HDAC9: variants seen among roughly 807,000 people sequenced by gnomAD.
HDAC9 encodes histone deacetylase 9, also known as MEF-2 interacting transcription repressor (MITR) protein.
In HDAC9, 41 loss-of-function variants were observed where a neutral mutation model predicts 139.4. The ratio of observed to expected loss-of-function variants is 0.29; its 90% confidence interval spans 0.23 to 0.38. The LOEUF is 0.38. HDAC9 is among the 10% of genes least tolerant of loss of function. The pLI is 1.00. For missense variants in HDAC9, 1,147 were observed against 1,297.0 expected (o/e 0.88, Z 1.78); for synonymous variants, 517 against 476.2 (o/e 1.09, Z -1.12).
At chr7:18,155,073 T>TTTTCTTTCTTTCTTTCTTTCTTTCTTTC (rs34168137) in intron 1 of HDAC9, among the ~76,000 whole-genome samples, 5 of 148,872 alleles carry the variant, frequency 3.4e-5, no homozygotes, top group South Asian at 2.1e-4. Context: ...ACAAAGCTTT[T>TTTTCTTTCTTTCTTTCTTTCTTTCTTTC]TTTCTTTCTT....
At chr7:18,710,525 T>C (rs993327909) in intron 12 of HDAC9, among the ~76,000 whole-genome samples, 1 of 152,154 alleles carries the variant, frequency 6.6e-6, no homozygotes, top group Non-Finnish European at 1.5e-5. Context: ...CGTATATATA[T>C]ACACACATAC....
intron 23 of HDAC9, among the ~76,000 whole-genome samples, chr7:18,946,913 A>G (rs939841600): frequency 1.3e-5 from 2 of 152,068 alleles, no homozygotes; most frequent in African/African-American, 4.8e-5. Context: ...TATATGGAGC[A>G]TAAAGCAAGT....
intron 1 of HDAC9, among the ~76,000 whole-genome samples, chr7:18,362,514 A>G (rs547567745): frequency 6.6e-6 from 1 of 152,270 alleles, no homozygotes; most frequent in East Asian, 1.9e-4. Context: ...AAATAGGTAT[A>G]TGGTATACAG....
At chr7:18,919,368 G>C (rs1241145671) in intron 22 of HDAC9, among the ~76,000 whole-genome samples, 1 of 151,990 alleles carries the variant, frequency 6.6e-6, no homozygotes, top group African/African-American at 2.4e-5. Context: ...ACTATATTTT[G>C]TGAGAGCCAG....
At chr7:18,891,912 T>G (rs550414407) in intron 22 of HDAC9, among the ~76,000 whole-genome samples, 1 of 152,272 alleles carries the variant, frequency 6.6e-6, no homozygotes, top group South Asian at 2.1e-4. Flanking sequence ...TAGATCCAGC[T>G]TATCTATTTG....
At chr7:18,524,383 A>G (rs75168637) in intron 2 of HDAC9, among the ~76,000 whole-genome samples, 60 of 152,236 alleles carry the variant, frequency 3.9e-4, no homozygotes, top group African/African-American at 1.3e-3. Flanking sequence ...TTTCTCATTT[A>G]GGGGAGTGAA....
chr7:18,137,748 A>C (rs986865860), intron 1 of HDAC9, among the ~76,000 whole-genome samples: 2 of 152,050 alleles, frequency 1.3e-5, no homozygotes, highest in African/African-American at 2.4e-5. Context: ...TTCATCAAGG[A>C]TATTGGTCTA....
At chr7:18,507,260 G>T (rs1004865800) in intron 2 of HDAC9, among the ~76,000 whole-genome samples, 9 of 150,464 alleles carry the variant, frequency 6.0e-5, no homozygotes, top group African/African-American at 2.2e-4. Flanking sequence ...GCGCGATCTC[G>T]GCTCACTGCA....
chr7:18,153,514 C>A (rs1786940510), intron 1 of HDAC9, among the ~76,000 whole-genome samples: 1 of 152,138 alleles, frequency 6.6e-6, no homozygotes, highest in Admixed American at 6.5e-5. Context: ...GGCCCTCTAC[C>A]AGCCTGATTG....
At chr7:18,366,884 T>A in intron 1 of HDAC9, among the ~76,000 whole-genome samples, 1 of 140,346 alleles carries the variant, frequency 7.1e-6, no homozygotes, top group African/African-American at 2.8e-5. Flanking sequence ...GTGTACTTAA[T>A]CAGTTTAGTA....
At chr7:18,788,284 G>C (rs1791993998) in intron 16 of HDAC9, among the ~76,000 whole-genome samples, 1 of 152,110 alleles carries the variant, frequency 6.6e-6, no homozygotes, top group Admixed American at 6.5e-5. Flanking sequence ...CATTTCACAG[G>C]CTCTCCCATA....
chr7:18,584,085 G>A (rs964845138), intron 2 of HDAC9, among the ~76,000 whole-genome samples: 1 of 151,214 alleles, frequency 6.6e-6, no homozygotes, highest in East Asian at 1.9e-4. Flanking sequence ...TGGTACACCT[G>A]GATATCCTGT....
chr7:18,349,507 T>G (rs1782690293), intron 1 of HDAC9, among the ~76,000 whole-genome samples: 1 of 152,184 alleles, frequency 6.6e-6, no homozygotes. Flanking sequence ...TAATGTTATC[T>G]GCTTTATCCC....
intron 1 of HDAC9, among the ~76,000 whole-genome samples, chr7:18,294,936 G>A (rs749490078): frequency 9.9e-5 from 15 of 152,106 alleles, no homozygotes; most frequent in Non-Finnish European, 1.8e-4. Flanking sequence ...TCATTGGGGA[G>A]CATCAATTAT....
intron 8 of HDAC9, among the ~76,000 whole-genome samples, chr7:18,641,538 AG>A (rs1409090773): frequency 2.0e-5 from 3 of 152,156 alleles, no homozygotes; most frequent in Non-Finnish European, 4.4e-5. Context: ...GTTAAACAAT[AG>A]CCATTCATAC....
At chr7:18,378,274 TACAA>T (rs1785150376) in intron 1 of HDAC9, among the ~76,000 whole-genome samples, 1 of 151,728 alleles carries the variant, frequency 6.6e-6, no homozygotes, top group Non-Finnish European at 1.5e-5. Context: ...TTTCTTTTAG[TACAA>T]ACAAATACCA....
chr7:18,590,561 T>G (rs1327136509), intron 4 of HDAC9, 75 bp downstream of exon 4: 1 of 1,427,172 alleles, frequency 7.0e-7, no homozygotes. Context: ...CAAAGCCTGA[T>G]AAAGAGTGCG....
At chr7:18,653,239 CAAAA>C (rs397971219) in intron 11 of HDAC9, among the ~76,000 whole-genome samples, 15 of 82,288 alleles carry the variant, frequency 1.8e-4, no homozygotes, top group Non-Finnish European at 3.8e-4. Flanking sequence ...AACTCCATCT[CAAAA>C]AAAAAAAAAA....
chr7:18,795,323 G>A (rs935820514), intron 17 of HDAC9, among the ~76,000 whole-genome samples: 1 of 145,900 alleles, frequency 6.9e-6, no homozygotes. Flanking sequence ...CTTAGTCCAG[G>A]TTCCACCACT....
Sources: gnomAD v4.1 joint callset for allele counts (sites outside exome capture counted in the v4.1 genomes callset) on GRCh38, gnomAD v4.1.1 for gene constraint, MANE v1.5 for transcripts, NCBI Gene and HGNC (gene_info 2026-07-23, HGNC 2026-07-21) for gene names.